Variants in GDAP2 observed in about 807,000 individuals in gnomAD.
GDAP2 encodes the protein ganglioside-induced differentiation-associated protein 2.
GDAP2 carries 51 observed loss-of-function variants against 67.0 expected under a neutral mutation model. That is an observed-to-expected ratio of 0.76 (90% CI 0.61 to 0.96). The LOEUF (loss-of-function observed/expected upper bound fraction) is 0.96. GDAP2 is among the 40% of genes least tolerant of loss of function. GDAP2 has a pLI of 0.00. For missense variants in GDAP2, 547 were observed against 588.3 expected, an observed-to-expected ratio of 0.93 and a Z score of 0.73; for synonymous variants, 203 against 207.3, an observed-to-expected ratio of 0.98 and a Z score of 0.18.
chr1:117,870,824 T>A (rs577178514), intron 13 of GDAP2, among the ~76,000 whole-genome samples: 1 of 152,310 alleles, frequency 6.6e-6, no homozygotes, highest in Non-Finnish European at 1.5e-5. Context: ...TAATATTTTT[T>A]AAGAATAATA....
At position 117,867,350 on chromosome 1, in the gene GDAP2, C is replaced by T. The variant is rs1648105034; in HGVS notation, c.*3219G>A. On this transcript the variant is annotated 3_prime_UTR_variant, in exon 14 of 14. Transcript: ENST00000369443. Reference sequence around the variant, plus strand: ...TTCCTACCAAAAATACTCAAAAAACCCTCTGCTAATTACTCTCAAAATACT... The same window carrying T: ...TTCCTACCAAAAATACTCAAAAAACTCTCTGCTAATTACTCTCAAAATACT... 6.6e-6 allele frequency: 1 copy of T among 151,608 alleles called. No homozygotes were observed. Among genetic ancestry groups the T allele is most frequent in the African/African-American group, 2.4e-5 (1 of 41,216 alleles). 9.4% of individuals were successfully genotyped at this position (151,608 alleles called of 1,614,324 possible). A position where few individuals can be genotyped will look rare whatever the true frequency, so the allele number is the denominator to read the frequency against.
chr1:117,920,455 A>T (rs1650209811), intron 1 of GDAP2, 31 bp from the exon 2 acceptor site: 2 of 703,288 alleles, frequency 2.8e-6, no homozygotes, highest in South Asian at 4.4e-5. Flanking sequence ...TCACTTTAAT[A>T]GAGAAGCACA....
chr1:117,895,769 T>A (rs756470210), intron 8 of GDAP2, among the ~76,000 whole-genome samples: 1 of 152,166 alleles, frequency 6.6e-6, no homozygotes, highest in Non-Finnish European at 1.5e-5. Flanking sequence ...AGACCTGGGA[T>A]TGAGGAGACA....
rs1398600303 is a variant in GDAP2 at position 117,863,987 on chromosome 1, G to A, written c.*6582C>T. The A allele has an allele frequency of 6.6e-6, 1 of 152,184 alleles. No individual in the cohort carries two copies. Among genetic ancestry groups the A allele is most frequent in the Non-Finnish European group, 1.5e-5 (1 of 68,026 alleles). The allele number at this position is 152,184 out of a possible 1,614,324, so 9.4% of individuals were successfully genotyped here. A position where few individuals can be genotyped will look rare whatever the true frequency, so the allele number is the denominator to read the frequency against. ...AAAACACTGAGGTTCAGAAAAAGTT[G>A]AGAAACAGGCCCAAGGTCTGAGTGT... On this transcript the variant is annotated 3_prime_UTR_variant, in exon 14 of 14. Coordinates refer to ENST00000369443, the MANE Select transcript of GDAP2 (RefSeq NM_017686.4).
At position 117,867,331 on chromosome 1, in the gene GDAP2, C is replaced by T. The variant is rs1211876043; in HGVS notation, c.*3238G>A. The T allele has an allele frequency of 2.6e-5, 4 of 151,822 alleles. No individual in the cohort carries two copies. In the East Asian group the frequency reaches 7.7e-4, roughly 29 times the overall value. The allele number at this position is 151,822 out of a possible 1,614,324, so 9.4% of individuals were successfully genotyped here. ...TAAAAAACTACATCTATTTTTCCTA[C>T]CAAAAATACTCAAAAAACCCTCTGC... On this transcript the variant is annotated 3_prime_UTR_variant, in exon 14 of 14. Transcript: ENST00000369443.
intron 7 of GDAP2, among the ~76,000 whole-genome samples, chr1:117,897,502 C>A (rs887108143): frequency 2.6e-5 from 4 of 152,160 alleles, no homozygotes; most frequent in Non-Finnish European, 5.9e-5. Context: ...TATAATTTAG[C>A]ATCCTGGTTT....
At chr1:117,896,129 GC>G (rs1649252269) in intron 8 of GDAP2, among the ~76,000 whole-genome samples, 1 of 152,204 alleles carries the variant, frequency 6.6e-6, no homozygotes, top group Non-Finnish European at 1.5e-5. Flanking sequence ...CAGGTTCTGT[GC>G]TAAAGCTCAT....
At position 117,921,180 on chromosome 1, in the gene GDAP2, A is replaced by C. The variant is rs558007546; in HGVS notation, c.-67-756T>G. Among the ~76,000 whole-genome samples, 425 of 152,326 alleles carry C rather than the reference A, an allele frequency of 2.8e-3. 1 individual carries two copies. Among genetic ancestry groups the C allele is most frequent in the African/African-American group, 0.01 (417 of 41,562 alleles). ...GTAAAATGGTATATTCATTCATCGA[A>C]TAAATCTTTGTATTGTGTCACTGCA... On this transcript the variant is annotated intron_variant, in intron 1 of 13. Coordinates refer to ENST00000369443, the MANE Select transcript of GDAP2 (RefSeq NM_017686.4).
intron 6 of GDAP2, among the ~76,000 whole-genome samples, chr1:117,901,243 A>G (rs1649458757): frequency 6.7e-6 from 1 of 150,178 alleles, no homozygotes; most frequent in South Asian, 2.1e-4. Flanking sequence ...CACACACCAC[A>G]TTTTTTTTTA....
At chr1:117,871,002 C>T (rs1648239464) in intron 13 of GDAP2, among the ~76,000 whole-genome samples, 1 of 152,126 alleles carries the variant, frequency 6.6e-6, no homozygotes, top group Non-Finnish European at 1.5e-5. Flanking sequence ...AGTTGGTAAC[C>T]AGCACAGCCT....
rs114640511 is a variant in GDAP2 at position 117,877,467 on chromosome 1, C to T, written c.1446+542G>A. On this transcript the variant is annotated intron_variant, in intron 13 of 13. Coordinates refer to ENST00000369443, the MANE Select transcript of GDAP2 (RefSeq NM_017686.4). ...CAATAGAATAAATTGATGAAATTCACGAGTAGTCCTGTGACTAGTGCTTAT... is the reference window on the plus strand; with the variant it reads ...CAATAGAATAAATTGATGAAATTCATGAGTAGTCCTGTGACTAGTGCTTAT... 1,497 of 972,920 alleles carry T rather than the reference C, an allele frequency of 1.5e-3. 16 individuals carry two copies. In the African/African-American group the frequency reaches 0.024, roughly 16 times the overall value. The allele number at this position is 972,920 out of a possible 1,614,324, so 60.3% of individuals were successfully genotyped here.
rs150582095 is a variant in GDAP2 at position 117,885,088 on chromosome 1, G to T, written c.1108-1461C>A. Among the ~76,000 whole-genome samples, 974 of 152,144 alleles carry T rather than the reference G, an allele frequency of 6.4e-3. 2 individuals carry two copies. Among genetic ancestry groups the T allele is most frequent in the Non-Finnish European group, 0.012 (801 of 67,986 alleles). Reference sequence around the variant, plus strand: ...GCCCAGGCTAGTCTCGAACTCCTGGGCTCAAGCGATCTGCCTGCCTCAGCC... The same window carrying T: ...GCCCAGGCTAGTCTCGAACTCCTGGTCTCAAGCGATCTGCCTGCCTCAGCC... On this transcript the variant is annotated intron_variant, in intron 10 of 13. Transcript: ENST00000369443.
intron 5 of GDAP2, among the ~76,000 whole-genome samples, chr1:117,909,842 G>A: frequency 6.6e-6 from 1 of 152,010 alleles, no homozygotes; most frequent in Non-Finnish European, 1.5e-5. Flanking sequence ...AGCTAGAGTT[G>A]GACTGGTAGA....
chr1:117,920,244 C>T lies in GDAP2; in HGVS notation c.114G>A (p.Gln38=). 1 of 1,609,722 alleles carries T rather than the reference C, an allele frequency of 6.2e-7. No individual in the cohort carries two copies. The highest frequency in any genetic ancestry group is 1.1e-5 in the South Asian group (1 of 90,818). Residue 38 remains glutamine, a synonymous_variant, in exon 2 of 14, where the codon CAG becomes CAA. Coordinates refer to ENST00000369443, the MANE Select transcript of GDAP2 (RefSeq NM_017686.4). ...NSSDTTAEIF[Q]EDTVRSPFLY... is the part of the protein sequence containing the mutation. ...GAAAAGGTGATCGAACAGTGTCTTC[C>T]TGAAATATTTCAGCTGTAGTATCAG...
At chr1:117,912,365 A>G (rs1649887152) in intron 4 of GDAP2, among the ~76,000 whole-genome samples, 165 bp downstream of exon 4, 1 of 152,204 alleles carries the variant, frequency 6.6e-6, no homozygotes, top group African/African-American at 2.4e-5. Context: ...GCTAAGTTTG[A>G]AAAGATAATT....
chr1:117,877,673 T>G, intron 13 of GDAP2: 1 of 1,032,860 alleles, frequency 9.7e-7, no homozygotes, highest in Non-Finnish European at 1.2e-6. Flanking sequence ...TCTGGCTCTG[T>G]GTAGATGGAA....
At chr1:117,889,171 T>C (rs1481556448) in intron 8 of GDAP2, among the ~76,000 whole-genome samples, 1 of 152,152 alleles carries the variant, frequency 6.6e-6, no homozygotes, top group African/African-American at 2.4e-5. Flanking sequence ...TCATTTCCTA[T>C]TTACACTAAA....
At chr1:117,873,077 G>T (rs1648344057) in intron 13 of GDAP2, among the ~76,000 whole-genome samples, 2 of 152,048 alleles carry the variant, frequency 1.3e-5, no homozygotes, top group African/African-American at 2.4e-5. Flanking sequence ...ACTAAGAAGA[G>T]CAAGTTCAAT....
intron 6 of GDAP2, among the ~76,000 whole-genome samples, chr1:117,900,968 G>C (rs1241103291): frequency 6.6e-6 from 1 of 152,174 alleles, no homozygotes. Flanking sequence ...GCTGAGGCAA[G>C]AGAACGGCTT....
Sources: gnomAD v4.1 joint callset for allele counts (sites outside exome capture counted in the v4.1 genomes callset) on GRCh38, gnomAD v4.1.1 for gene constraint, MANE v1.5 for transcripts, NCBI Gene and HGNC (gene_info 2026-07-23, HGNC 2026-07-21) for gene names.